The following SHANK2 variants were observed in gnomAD, a reference collection of about 807,000 sequenced individuals.
SHANK2 encodes the protein SH3 and multiple ankyrin repeat domains 2.
A neutral mutation model predicts 133.7 loss-of-function variants in SHANK2; 43 were observed. That is an observed-to-expected ratio of 0.32 (90% CI 0.25 to 0.41). The LOEUF is 0.41. SHANK2 is among the 10% of genes least tolerant of loss of function. The probability of loss-of-function intolerance (pLI) is 1.00; values close to 1 mark genes in which losing one functional copy is unlikely to be tolerated. For missense variants in SHANK2, 1,994 were observed against 2,235.8 expected, an observed-to-expected ratio of 0.89 and a Z score of 2.18; for synonymous variants, 1,017 against 952.8, an observed-to-expected ratio of 1.07 and a Z score of -1.24.
intron 14 of SHANK2, among the ~76,000 whole-genome samples, chr11:70,788,581 A>G (rs1228076273): frequency 1.3e-5 from 2 of 152,152 alleles, no homozygotes; most frequent in Non-Finnish European, 2.9e-5. Flanking sequence ...AGGGCAGTAC[A>G]GGGTTCAGCG....
At chr11:71,248,010 G>A (rs782573548) in intron 1 of SHANK2, among the ~76,000 whole-genome samples, 1 of 152,186 alleles carries the variant, frequency 6.6e-6, no homozygotes, top group Admixed American at 6.5e-5. Context: ...AGCGAGCTGC[G>A]TTTCAGCCAG....
chr11:71,152,517 C>T (rs782502334), intron 2 of SHANK2, among the ~76,000 whole-genome samples: 8 of 152,238 alleles, frequency 5.3e-5, no homozygotes, highest in Non-Finnish European at 4.4e-5. Context: ...GCAGGAAGGG[C>T]GGCAAGGAGG....
intron 17 of SHANK2, among the ~76,000 whole-genome samples, chr11:70,577,118 CA>C (rs1303987478): frequency 1.3e-5 from 2 of 152,234 alleles, no homozygotes; most frequent in African/African-American, 4.8e-5. Flanking sequence ...CCTCTTCCCT[CA>C]GTCTGGATAC....
chr11:70,774,178 A>G (rs1459940428), intron 14 of SHANK2, among the ~76,000 whole-genome samples: 1 of 152,210 alleles, frequency 6.6e-6, no homozygotes. Flanking sequence ...TCTCAAAAAC[A>G]CTGTCCTAAC....
intron 11 of SHANK2, among the ~76,000 whole-genome samples, chr11:70,846,511 C>T (rs1329331659): frequency 6.6e-6 from 1 of 152,144 alleles, no homozygotes; most frequent in African/African-American, 2.4e-5. Flanking sequence ...CCACCTTGGC[C>T]TCCCAAGGCA....
At chr11:70,800,341 C>T (rs1458979019) in intron 13 of SHANK2, among the ~76,000 whole-genome samples, 1 of 152,232 alleles carries the variant, frequency 6.6e-6, no homozygotes, top group Admixed American at 6.5e-5. Context: ...TTACTTAGGA[C>T]TTTGGTGCTG....
At chr11:70,883,830 G>T (rs982472715) in intron 11 of SHANK2, among the ~76,000 whole-genome samples, 31 of 152,332 alleles carry the variant, frequency 2.0e-4, no homozygotes, top group African/African-American at 7.0e-4. Flanking sequence ...AGGGGAGAAG[G>T]CGCTGAGGAT....
intron 11 of SHANK2, among the ~76,000 whole-genome samples, chr11:70,873,290 G>A (rs1555070569): frequency 6.6e-6 from 1 of 152,266 alleles, no homozygotes; most frequent in East Asian, 1.9e-4. Context: ...CCATGAGGAA[G>A]AGGAGGGCAG....
In SHANK2 at chr11:71,134,315, T is replaced by A. The variant is rs564176729; in HGVS notation, c.207+12805A>T. Reference sequence around the variant, plus strand: ...TGCCAACAGGGGTGGGGTTTCCTCTTGGGGGGATGGAAGCTTCCTGAGATT... The same window carrying A: ...TGCCAACAGGGGTGGGGTTTCCTCTAGGGGGGATGGAAGCTTCCTGAGATT... On this transcript the variant is annotated intron_variant, in intron 3 of 25. Transcript: ENST00000601538. 4.0e-5 allele frequency among the ~76,000 whole-genome samples: 6 copies of A among 150,114 alleles called. No homozygotes were observed. The East Asian group carries it at 6.0e-4, about 15-fold the overall frequency.
At chr11:70,700,758 G>A (rs1325118445) in intron 14 of SHANK2, among the ~76,000 whole-genome samples, 16 of 152,198 alleles carry the variant, frequency 1.1e-4, no homozygotes, top group African/African-American at 3.9e-4. Context: ...AGGGCCTCAG[G>A]ATCCCGGGGA....
At chr11:70,815,441 C>A (rs1319288850) in intron 12 of SHANK2, among the ~76,000 whole-genome samples, 1 of 152,064 alleles carries the variant, frequency 6.6e-6, no homozygotes, top group Non-Finnish European at 1.5e-5. Context: ...AGCGAGGGAC[C>A]CTGTGGTGTC....
At chr11:70,846,317 G>A (rs782473737) in intron 11 of SHANK2, among the ~76,000 whole-genome samples, 2 of 152,168 alleles carry the variant, frequency 1.3e-5, no homozygotes, top group African/African-American at 4.8e-5. Flanking sequence ...AGGCTGATAT[G>A]CAGTGGTGCG....
At chr11:71,070,510 G>T (rs934863557) in intron 9 of SHANK2, among the ~76,000 whole-genome samples, 1 of 152,204 alleles carries the variant, frequency 6.6e-6, no homozygotes, top group East Asian at 1.9e-4. Flanking sequence ...CCCTGGAATG[G>T]GAGAGCTCTC....
chr11:70,858,168 C>A (rs576639787), intron 11 of SHANK2, among the ~76,000 whole-genome samples: 2 of 152,326 alleles, frequency 1.3e-5, no homozygotes, highest in East Asian at 1.9e-4. Flanking sequence ...AGTGCTGCTG[C>A]GAAACCACCC....
In SHANK2 at chr11:70,736,248, T is replaced by TTAC. The variant is rs1315544427; in HGVS notation, c.1778-37488_1778-37486dup. On this transcript the variant is annotated intron_variant, in intron 14 of 25. Transcript: ENST00000601538. ...CAGAGCTCACTCATTCAGCAAATAG[T>TTAC]TACAGTGTGCCCCTCTCTAGTTGTG... Among the ~76,000 whole-genome samples the TTAC allele has an allele frequency of 2.0e-5, 3 of 152,142 alleles. No homozygotes were observed. The East Asian group carries it at 5.8e-4, about 29-fold the overall frequency.
At chr11:70,824,185 C>T (rs1948601199) in intron 11 of SHANK2, among the ~76,000 whole-genome samples, 1 of 151,998 alleles carries the variant, frequency 6.6e-6, no homozygotes, top group Non-Finnish European at 1.5e-5. Context: ...GCACCTTCCC[C>T]ACCTCCCCAG....
intron 17 of SHANK2, among the ~76,000 whole-genome samples, chr11:70,641,200 G>A (rs1454712731): frequency 2.0e-5 from 3 of 151,010 alleles, no homozygotes; most frequent in African/African-American, 4.9e-5. Context: ...GGTTCACACC[G>A]TTCTCCTGCC....
intron 14 of SHANK2, among the ~76,000 whole-genome samples, chr11:70,709,233 A>G (rs2134568879): frequency 6.6e-6 from 1 of 152,294 alleles, no homozygotes; most frequent in Admixed American, 6.5e-5. Context: ...AACAAAACAT[A>G]CTAAGAATTC....
intron 11 of SHANK2, among the ~76,000 whole-genome samples, chr11:70,886,612 G>A (rs1555073555): frequency 6.6e-6 from 1 of 152,018 alleles, no homozygotes; most frequent in African/African-American, 2.4e-5. Flanking sequence ...TTCACAGCAG[G>A]TAGTATCTAG....
Sources: allele counts gnomAD v4.1 joint callset (sites outside exome capture counted in the v4.1 genomes callset), GRCh38; gene constraint gnomAD v4.1.1; transcripts MANE v1.5; gene names NCBI Gene and HGNC (gene_info 2026-07-23, HGNC 2026-07-21).